Variants in PTK2 observed in about 807,000 individuals in gnomAD.
PTK2 encodes the protein focal adhesion kinase 1.
A neutral mutation model predicts 150.1 loss-of-function variants in PTK2; 45 were observed. The observed-to-expected ratio is 0.30, with a 90% CI of 0.24 to 0.38. The LOEUF (loss-of-function observed/expected upper bound fraction) is 0.38. Ranked by LOEUF, PTK2 falls within the 10% of genes least tolerant of loss-of-function variation. PTK2 has a pLI of 1.00. For synonymous variants in PTK2, 432 were observed against 449.2 expected, an observed-to-expected ratio of 0.96 and a Z score of 0.48; for missense variants, 919 against 1,307.3, an observed-to-expected ratio of 0.70 and a Z score of 4.58.
In PTK2 at chr8:140,762,406, G is replaced by A; in HGVS notation, c.1235-1144C>T. 8.8e-7 allele frequency: 1 copy of A among 1,133,092 alleles called. No homozygotes were observed. Among genetic ancestry groups the A allele is most frequent in the Admixed American group, 4.4e-5 (1 of 22,758 alleles). The allele number at this position is 1,133,092 out of a possible 1,614,324, so 70.2% of individuals were successfully genotyped here. A position where few individuals can be genotyped will look rare whatever the true frequency, so the allele number is the denominator to read the frequency against. On this transcript the variant is annotated intron_variant, in intron 15 of 31. Transcript: ENST00000522684. The stretch of plus-strand genomic sequence containing the variant: ...ATAGCTTTCTGTATTGCAATTAAGA[G>A]AGAAAAAAATTGAAGACCTTGCTTA...
chr8:140,951,229 T>C (rs1308933600), intron 1 of PTK2, among the ~76,000 whole-genome samples: 2 of 152,152 alleles, frequency 1.3e-5, no homozygotes, highest in African/African-American at 4.8e-5. Flanking sequence ...GGTTCTAAAA[T>C]ACTTCCTTCC....
intron 31 of PTK2, chr8:140,660,765 G>A (rs768191917): frequency 1.4e-5 from 5 of 349,392 alleles, no homozygotes; most frequent in Non-Finnish European, 2.9e-5. Context: ...GGGCAGCAAT[G>A]GTGGAAGCAG....
chr8:140,859,955 T>C (rs1190670895), intron 5 of PTK2, among the ~76,000 whole-genome samples: 1 of 152,218 alleles, frequency 6.6e-6, no homozygotes, highest in African/African-American at 2.4e-5. Context: ...AAGTCAAATA[T>C]ATAATTACTT....
At chr8:140,862,620 C>T (rs1006180921) in intron 5 of PTK2, among the ~76,000 whole-genome samples, 1 of 152,186 alleles carries the variant, frequency 6.6e-6, no homozygotes, top group Non-Finnish European at 1.5e-5. Context: ...CTATTAGGAA[C>T]CAGGCCACAC....
At chr8:140,735,113 A>T in intron 22 of PTK2, 138 bp downstream of exon 25, 1 of 770,366 alleles carries the variant, frequency 1.3e-6, no homozygotes, top group Non-Finnish European at 2.1e-6. Context: ...AATCAATTTT[A>T]AAAGTAATTG....
At chr8:140,936,633 C>T (rs2100173741) in intron 1 of PTK2, among the ~76,000 whole-genome samples, 1 of 151,984 alleles carries the variant, frequency 6.6e-6, no homozygotes, top group South Asian at 2.1e-4. Flanking sequence ...AAAACTGGAC[C>T]TCCTTAACCT....
rs544790318 is a variant in PTK2 at position 140,710,435 on chromosome 8, G to A, written c.2143-4230C>T. On this transcript the variant is annotated intron_variant, in intron 23 of 31. Transcript: ENST00000522684. The stretch of plus-strand genomic sequence containing the variant: ...TGATGGTTCAAGACTTTGGGAGGCC[G>A]TGGTGGGCAGATCACCTGAGGTCAG... 5.9e-5 allele frequency among the ~76,000 whole-genome samples: 9 copies of A among 152,036 alleles called. 1 individual carries two copies. In the South Asian group the frequency reaches 8.3e-4, roughly 14 times the overall value.
intron 18 of PTK2, 22 bp from the exon 22 acceptor site, chr8:140,744,789 G>GAAAAAAAAAAAAAAAAAAAAAAAA: frequency 1.5e-6 from 1 of 658,492 alleles, no homozygotes. Flanking sequence ...ATGACCAAAA[G>GAAAAAAAAAAAAAAAAAAAAAAAA]AAAAAAAAAA....
At chr8:140,796,127 G>A (rs2100091441) in intron 12 of PTK2, among the ~76,000 whole-genome samples, 1 of 152,148 alleles carries the variant, frequency 6.6e-6, no homozygotes, top group Non-Finnish European at 1.5e-5. Flanking sequence ...GAGACTGTCC[G>A]ACCACTGTTT....
chr8:140,661,311 T>C (rs142672219), intron 31 of PTK2, among the ~76,000 whole-genome samples: 1 of 152,160 alleles, frequency 6.6e-6, no homozygotes, highest in East Asian at 1.9e-4. Context: ...AGATAAACCA[T>C]CTAAGAGGCC....
At chr8:140,720,997 T>A (rs563584835) in intron 22 of PTK2, among the ~76,000 whole-genome samples, 1 of 152,150 alleles carries the variant, frequency 6.6e-6, no homozygotes, top group South Asian at 2.1e-4. Flanking sequence ...CCTCAAGTGA[T>A]CCGCCCGCCT....
intron 27 of PTK2, among the ~76,000 whole-genome samples, chr8:140,676,106 G>C (rs1368686848): frequency 6.6e-6 from 1 of 152,250 alleles, no homozygotes; most frequent in Non-Finnish European, 1.5e-5. Context: ...GCTGGGCACA[G>C]TGGCTCATGC....
chr8:140,725,927 G>C (rs1432890747), intron 22 of PTK2, among the ~76,000 whole-genome samples: 1 of 151,388 alleles, frequency 6.6e-6, no homozygotes, highest in African/African-American at 2.4e-5. Flanking sequence ...AGATGACTCA[G>C]ATGTTGAAAT....
rs1198241245 is a variant in PTK2, at chr8:140,890,548, C to T, written c.190G>A (p.Val64Ile). ...TCATGGAAAAACGTACTTACCCTGA[C>T]ATCAGTAGCATCTCCATGCCTGATA... is the stretch of plus-strand genomic sequence containing the variant. The change falls in exon 3 of 32, where the codon GTC becomes ATC. Residue 64 changes from valine to isoleucine, a missense_variant. Around this residue, in one of 3 missense-constraint regions of PTK2, gnomAD observed 555 missense variants for 880.1 expected, o/e 0.63. Transcript: ENST00000522684. The T allele has an allele frequency of 3.7e-6, 6 of 1,613,252 alleles. No homozygotes were observed. In the East Asian group the frequency reaches 8.9e-5, roughly 24 times the overall value.
chr8:140,998,122 A>T (rs1236196547), intron 1 of PTK2, among the ~76,000 whole-genome samples: 1 of 152,222 alleles, frequency 6.6e-6, no homozygotes, highest in East Asian at 1.9e-4. Context: ...TTCACCAGCA[A>T]AAAAGAAAAA....
chr8:140,980,519 G>T (rs1038050048), intron 1 of PTK2, among the ~76,000 whole-genome samples: 1 of 152,072 alleles, frequency 6.6e-6, no homozygotes, highest in Non-Finnish European at 1.5e-5. Context: ...CTACTCAGGA[G>T]GCTGAGGCAA....
At chr8:140,799,682 G>A (rs997501806) in intron 12 of PTK2, among the ~76,000 whole-genome samples, 5 of 152,120 alleles carry the variant, frequency 3.3e-5, no homozygotes, top group African/African-American at 9.7e-5. Context: ...ATAGTTCCAA[G>A]CCTATAAATA....
At chr8:140,912,602 A>C (rs922146656) in intron 2 of PTK2, among the ~76,000 whole-genome samples, 1 of 152,074 alleles carries the variant, frequency 6.6e-6, no homozygotes, top group Non-Finnish European at 1.5e-5. Flanking sequence ...CCCTCTCATA[A>C]TAATAAAAAA....
At chr8:140,834,283 G>A (rs763109758) in intron 7 of PTK2, among the ~76,000 whole-genome samples, 12 of 152,116 alleles carry the variant, frequency 7.9e-5, no homozygotes, top group Non-Finnish European at 1.5e-5. Context: ...GTTACCACAG[G>A]GACAACCACT....
Sources: gnomAD v4.1 joint callset for allele counts (sites outside exome capture counted in the v4.1 genomes callset) on GRCh38, gnomAD v4.1.1 for gene constraint, gnomAD v4.1.1 regional missense constraint, MANE v1.5 for transcripts, NCBI Gene and HGNC (gene_info 2026-07-23, HGNC 2026-07-21) for gene names.